Variants in TAF6L observed in about 807,000 individuals in gnomAD.
TAF6L encodes TATA-box binding protein associated factor 6 like.
Under a neutral mutation model 57.3 loss-of-function variants are expected in TAF6L, and 34 were observed. That is an observed-to-expected ratio of 0.59 (90% CI 0.45 to 0.79). The LOEUF is 0.79. Ranked by LOEUF, TAF6L falls within the 30% of genes least tolerant of loss-of-function variation. The pLI is 0.00. For synonymous variants in TAF6L, 417 were observed against 376.3 expected (o/e 1.11, Z -1.25); for missense variants, 782 against 853.2 (o/e 0.92, Z 1.04).
chr11:62,786,303 C>A lies in TAF6L; in HGVS notation c.1004C>A (p.Thr335Lys). ...TACCCACACCTGTCCACCTACTGGA[C>A]AAACTTGCAGGCTGTGCTGGATGAT... Reference protein sequence around the residue: ...VLYPHLSTYWTNLQAVLDDYS... With the variant: ...VLYPHLSTYWKNLQAVLDDYS... Residue 335 changes from threonine (T) to lysine (K), a missense_variant, in exon 10 of 11, where the codon ACA becomes AAA. Thr to Lys is a moderately conservative substitution (Grantham distance 78). This residue lies in a region of TAF6L where 483 missense variants were observed against 445.1 expected (regional missense o/e 1.09). Coordinates refer to ENST00000294168, the MANE Select transcript of TAF6L (RefSeq NM_006473.4). 1 of 1,614,172 alleles carries A rather than the reference C, an allele frequency of 6.2e-7. No individual in the cohort carries two copies. Among genetic ancestry groups the A allele is most frequent in the Non-Finnish European group, 8.5e-7 (1 of 1,180,020 alleles).
chr11:62,784,278 G>A (rs1254595359), intron 9 of TAF6L, among the ~76,000 whole-genome samples: 39 of 138,732 alleles, frequency 2.8e-4, no homozygotes, highest in African/African-American at 9.9e-4. Context: ...GTGAGCCACC[G>A]GTGCCTGGCC....
At chr11:62,782,906 C>T in intron 9 of TAF6L, 81 bp downstream of exon 9, 1 of 1,561,424 alleles carries the variant, frequency 6.4e-7, no homozygotes, top group African/African-American at 1.3e-5. Flanking sequence ...TCGTTATCTC[C>T]AAAATAGTGT....
chr11:62,778,697 C>T, intron 5 of TAF6L, 172 bp from the exon 6 acceptor site: 2 of 642,744 alleles, frequency 3.1e-6, no homozygotes, highest in Non-Finnish European at 5.5e-6. Flanking sequence ...TGTGCAGAGC[C>T]TAGATGGTCA....
chr11:62,774,645 G>A (rs529463104), intron 1 of TAF6L: 28 of 455,094 alleles, frequency 6.2e-5, no homozygotes, highest in South Asian at 3.7e-4. Flanking sequence ...TGTTTTTGTC[G>A]GTTTCTTATT....
At chr11:62,784,388 T>G (rs2084254657) in intron 9 of TAF6L, among the ~76,000 whole-genome samples, 1 of 149,808 alleles carries the variant, frequency 6.7e-6, no homozygotes, top group Non-Finnish European at 1.5e-5. Flanking sequence ...AACTGCAACC[T>G]CCGCCTCCCG....
intron 6 of TAF6L, among the ~76,000 whole-genome samples, chr11:62,781,432 G>T (rs1261683797): frequency 6.6e-6 from 1 of 152,096 alleles, no homozygotes; most frequent in Admixed American, 6.6e-5. Flanking sequence ...CCAGCACTTT[G>T]GGAGGCTGAG....
At chr11:62,775,546 C>A in intron 1 of TAF6L, 1 of 491,874 alleles carries the variant, frequency 2.0e-6, no homozygotes, top group Non-Finnish European at 3.6e-6. Context: ...GGACCTAGTT[C>A]TGTGAACCCC....
In TAF6L at chr11:62,782,721, T is replaced by C; in HGVS notation, c.856T>C (p.Tyr286His). The C allele has an allele frequency of 6.2e-7, 1 of 1,612,430 alleles. No homozygotes were observed. The highest frequency in any genetic ancestry group is 8.5e-7 in the Non-Finnish European group (1 of 1,180,024). ...TCATGGGGACCTTGTAAGTGGCCTCTATCAGCATATCCTGCTATCCCTGCA... is the reference window on the plus strand; with the variant it reads ...TCATGGGGACCTTGTAAGTGGCCTCCATCAGCATATCCTGCTATCCCTGCA... The part of the protein sequence containing the change: ...WTHGDLVSGL[Y>H]QHILLSLQKI... The change falls in exon 9 of 11, where the codon TAT becomes CAT. Residue 286 changes from tyrosine (Y) to histidine (H), a missense_variant. Tyr to His is a moderately conservative substitution (Grantham distance 83). Around this residue, in one of 3 missense-constraint regions of TAF6L, gnomAD observed 79 missense variants for 156.0 expected, o/e 0.51. Transcript: ENST00000294168.
chr11:62,783,636 G>C (rs2084247438), intron 9 of TAF6L, among the ~76,000 whole-genome samples: 1 of 150,840 alleles, frequency 6.6e-6, no homozygotes, highest in African/African-American at 2.4e-5. Context: ...TTGGATTTAA[G>C]CAATTCTTCC....
chr11:62,775,292 A>G (rs2084178648), intron 1 of TAF6L, among the ~76,000 whole-genome samples: 1 of 152,116 alleles, frequency 6.6e-6, no homozygotes, highest in Non-Finnish European at 1.5e-5. Flanking sequence ...AGCATGGGGG[A>G]AAATGTCCCC....
chr11:62,786,411 C>A, intron 10 of TAF6L, 23 bp downstream of exon 10: 1 of 1,607,878 alleles, frequency 6.2e-7, no homozygotes, highest in South Asian at 1.1e-5. Context: ...CCCTTCCAGC[C>A]TCCCTTCCCT....
In TAF6L at chr11:62,776,478, G is replaced by A; in HGVS notation, c.234+8G>A. On this transcript the variant is annotated splice_region_variant and intron_variant, in intron 3 of 10. Transcript: ENST00000294168. ...AGATGGAGCAGCGTGGAGGTGAGTG[G>A]GGTGCAGGCTACAGAGGGCTCAGGT... is the stretch of plus-strand genomic sequence containing the variant. The A allele has an allele frequency of 1.2e-6, 2 of 1,613,258 alleles. No individual in the cohort carries two copies. Among genetic ancestry groups the A allele is most frequent in the Non-Finnish European group, 1.7e-6 (2 of 1,179,390 alleles).
Position 62,778,977 on chromosome 11 carries a change from C to T in TAF6L, c.531+14C>T. On this transcript the variant is annotated intron_variant, in intron 6 of 10. Transcript: ENST00000294168. ...CAACTGATGAAGGTGAGCGAGTGGGCCCAAGTTGGGGCACAAAGTTGAAAT... is the reference window on the plus strand; with the variant it reads ...CAACTGATGAAGGTGAGCGAGTGGGTCCAAGTTGGGGCACAAAGTTGAAAT... 1.9e-6 allele frequency: 3 copies of T among 1,607,532 alleles called. No homozygotes were observed. Among genetic ancestry groups the T allele is most frequent in the Middle Eastern group, 3.3e-4 (2 of 6,058 alleles).
intron 1 of TAF6L, among the ~76,000 whole-genome samples, chr11:62,775,054 C>T (rs1263172344): frequency 3.5e-5 from 5 of 143,332 alleles, no homozygotes; most frequent in Admixed American, 7.0e-5. Flanking sequence ...CAGAGCGAGA[C>T]TCTGTCTCAA....
In TAF6L at chr11:62,786,311, C is replaced by G. The variant is rs147174923; in HGVS notation, c.1012C>G (p.Gln338Glu). 37 of 1,614,176 alleles carry G rather than the reference C, an allele frequency of 2.3e-5. No homozygotes were observed. Among genetic ancestry groups the G allele is most frequent in the Non-Finnish European group, 4.2e-6 (5 of 1,180,004 alleles). ...PHLSTYWTNLQAVLDDYSVSN... is the reference protein window; with the variant it reads ...PHLSTYWTNLEAVLDDYSVSN... ...CCTGTCCACCTACTGGACAAACTTG[C>G]AGGCTGTGCTGGATGATTATTCAGT... Residue 338 changes from glutamine to glutamate, a missense_variant, in exon 10 of 11, where the codon CAG (glutamine) becomes GAG (glutamate). Transcript: ENST00000294168.
Position 62,786,783 on chromosome 11 carries a change from G to C in TAF6L, c.1356G>C (p.Leu452Phe). Residue 452 changes from leucine to phenylalanine, a missense_variant, in exon 11 of 11, where the codon TTG (leucine) becomes TTC (phenylalanine). Physicochemically the swap from Leu to Phe is conservative, Grantham distance 22. Coordinates refer to ENST00000294168, the MANE Select transcript of TAF6L (RefSeq NM_006473.4). ...RELYAFFGDS[L>F]ATRFGTGQPA... ...TCTACGCCTTCTTCGGTGACAGCTTGGCCACACGCTTTGGCACCGGCCAGC... is the reference window on the plus strand; with the variant it reads ...TCTACGCCTTCTTCGGTGACAGCTTCGCCACACGCTTTGGCACCGGCCAGC... 1.9e-6 allele frequency: 3 copies of C among 1,611,848 alleles called. No individual in the cohort carries two copies. Among genetic ancestry groups the C allele is most frequent in the South Asian group, 2.2e-5 (2 of 91,062 alleles).
chr11:62,774,642 G>A, intron 1 of TAF6L: 1 of 455,142 alleles, frequency 2.2e-6, no homozygotes, highest in Non-Finnish European at 4.4e-6. Flanking sequence ...TGCTGTTTTT[G>A]TCGGTTTCTT....
chr11:62,786,478 C>G (rs1211729351), intron 10 of TAF6L, 39 bp from the exon 11 acceptor site: 1 of 1,581,220 alleles, frequency 6.3e-7, no homozygotes, highest in Non-Finnish European at 8.6e-7. Flanking sequence ...GCCCAGGTTC[C>G]TCGAATTTTT....
At chr11:62,781,662 CAA>C (rs58932683) in intron 6 of TAF6L, 64 of 314,674 alleles carry the variant, frequency 2.0e-4, no homozygotes, top group East Asian at 6.2e-4. Context: ...GACTCGGTCT[CAA>C]AAAAAAAAAA....
Sources: gnomAD v4.1 joint callset for allele counts (sites outside exome capture counted in the v4.1 genomes callset) on GRCh38, gnomAD v4.1.1 for gene constraint, gnomAD v4.1.1 regional missense constraint, MANE v1.5 for transcripts, NCBI Gene and HGNC (gene_info 2026-07-23, HGNC 2026-07-21) for gene names.